NEDD4L: variants seen among roughly 807,000 people sequenced by gnomAD.
NEDD4L encodes the protein E3 ubiquitin-protein ligase NEDD4-like.
In NEDD4L, 54 loss-of-function variants were observed where a neutral mutation model predicts 148.9. The observed-to-expected ratio is 0.36, with a 90% confidence interval of 0.29 to 0.45. NEDD4L has a LOEUF of 0.45. Among genes scored for constraint, NEDD4L ranks in the 20% least tolerant of loss-of-function variants. NEDD4L has a pLI of 1.00. For missense variants in NEDD4L, 856 were observed against 1,233.8 expected, an observed-to-expected ratio of 0.69 and a Z score of 4.59; for synonymous variants, 433 against 440.7, an observed-to-expected ratio of 0.98 and a Z score of 0.22.
intron 5 of NEDD4L, chr18:58,255,601 G>A: frequency 3.2e-6 from 4 of 1,232,376 alleles, no homozygotes; most frequent in Non-Finnish European, 4.0e-6. Flanking sequence ...CGGGCCTGTT[G>A]TTGCCGCTTG....
intron 1 of NEDD4L, among the ~76,000 whole-genome samples, chr18:58,057,195 C>T (rs1016483995): frequency 2.6e-5 from 4 of 151,774 alleles, no homozygotes; most frequent in African/African-American, 9.7e-5. Flanking sequence ...GGAGGTGACC[C>T]GAATATGCAG....
At chr18:58,118,221 A>T (rs1568240267) in intron 1 of NEDD4L, among the ~76,000 whole-genome samples, 1 of 152,266 alleles carries the variant, frequency 6.6e-6, no homozygotes, top group African/African-American at 2.4e-5. Context: ...ACACATGGTT[A>T]TCAAGAGGCA....
At chr18:58,255,411 T>C in intron 5 of NEDD4L, 1 of 916,362 alleles carries the variant, frequency 1.1e-6, no homozygotes, top group East Asian at 3.6e-5. Context: ...CTGGCCACCC[T>C]ACCCTCTGTC....
chr18:58,195,477 G>C, intron 2 of NEDD4L: 1 of 1,342,840 alleles, frequency 7.4e-7, no homozygotes, highest in Non-Finnish European at 9.8e-7. Context: ...ACAGGCTTAA[G>C]CCGCGCGAGG....
chr18:58,045,380 C>T (rs2081529300), intron 1 of NEDD4L: 2 of 379,906 alleles, frequency 5.3e-6, no homozygotes, highest in African/African-American at 2.1e-5. Context: ...ATTTTTTCCT[C>T]CCGAGGATTC....
At chr18:58,255,194 T>C (rs2048362301) in intron 5 of NEDD4L, among the ~76,000 whole-genome samples, 1 of 152,192 alleles carries the variant, frequency 6.6e-6, no homozygotes, top group South Asian at 2.1e-4. Context: ...TTTAGATTTA[T>C]AGCAGCGTGG....
At chr18:58,384,413 G>C (rs557697737) in intron 25 of NEDD4L, among the ~76,000 whole-genome samples, 2 of 152,290 alleles carry the variant, frequency 1.3e-5, no homozygotes, top group East Asian at 1.9e-4. Flanking sequence ...CTCTCGTTCT[G>C]AATATGAACA....
chr18:58,368,327 A>G (rs1158179712), intron 22 of NEDD4L, among the ~76,000 whole-genome samples: 1 of 152,242 alleles, frequency 6.6e-6, no homozygotes, highest in Non-Finnish European at 1.5e-5. Context: ...CCTGAAACAA[A>G]TAACACAAAA....
chr18:58,274,001 G>C (rs544357088), intron 5 of NEDD4L, among the ~76,000 whole-genome samples: 3 of 152,162 alleles, frequency 2.0e-5, no homozygotes, highest in Non-Finnish European at 4.4e-5. Flanking sequence ...AAGTGATGCC[G>C]GGCCCTTTCT....
At chr18:58,180,720 T>C (rs1156983921) in intron 2 of NEDD4L, among the ~76,000 whole-genome samples, 4 of 152,256 alleles carry the variant, frequency 2.6e-5, no homozygotes, top group African/African-American at 9.6e-5. Context: ...TTTAATAATA[T>C]AAAAGTCCTC....
rs118080490 is a variant in NEDD4L at position 58,307,543 on chromosome 18, A to G, written c.298-8439A>G. Among the ~76,000 whole-genome samples the G allele has an allele frequency of 2.1e-3, 323 of 152,298 alleles. 2 individuals carry two copies. Among genetic ancestry groups the G allele is most frequent in the Admixed American group, 4.9e-3 (75 of 15,300 alleles). On this transcript the variant is annotated intron_variant, in intron 5 of 30. Transcript: ENST00000400345. ...AGCTAGTGTCCTTGTGTAAACCTGTATGACTCTAGTTCAGAGTCTTCAGTA... is the reference window on the plus strand; with the variant it reads ...AGCTAGTGTCCTTGTGTAAACCTGTGTGACTCTAGTTCAGAGTCTTCAGTA...
chr18:58,337,805 G>A (rs910075659), intron 13 of NEDD4L, among the ~76,000 whole-genome samples: 5 of 152,116 alleles, frequency 3.3e-5, no homozygotes, highest in African/African-American at 4.8e-5. Flanking sequence ...TTCTATGATA[G>A]TGCTTTCATT....
intron 2 of NEDD4L, chr18:58,189,743 C>A (rs758953740): frequency 6.6e-6 from 1 of 152,166 alleles, no homozygotes; most frequent in Non-Finnish European, 1.5e-5. Context: ...GTAGTGATAG[C>A]TCATAGTGAA....
chr18:58,044,722 C>G lies in NEDD4L; in HGVS notation c.48+14C>G, dbSNP rs372316024. The G allele has an allele frequency of 2.1e-5, 34 of 1,604,308 alleles. No individual in the cohort carries two copies. The East Asian group carries it at 3.4e-4, about 16-fold the overall frequency. The stretch of plus-strand genomic sequence containing the variant: ...TCCGAAGACGAGGTGAGTGGCACCC[C>G]CTTCCTGCTCGGGACTCCCCGGGGA... On this transcript the variant is annotated intron_variant, in intron 1 of 30. Coordinates refer to ENST00000400345, the MANE Select transcript of NEDD4L (RefSeq NM_001144967.3).
intron 1 of NEDD4L, among the ~76,000 whole-genome samples, chr18:58,094,853 G>C (rs1020539534): frequency 1.3e-5 from 2 of 151,258 alleles, no homozygotes; most frequent in African/African-American, 4.9e-5. Context: ...TAAGAAATAG[G>C]TAGGCTGTAA....
Position 58,281,752 on chromosome 18 carries a change from G to A in NEDD4L, c.297+29698G>A, listed in dbSNP as rs183658456. 5.3e-3 allele frequency among the ~76,000 whole-genome samples: 802 copies of A among 152,034 alleles called. 9 individuals are homozygous for A. The highest frequency in any genetic ancestry group is 0.017 in the African/African-American group (690 of 41,466). ...TAAAACTATAAAATGTTGGCTGGGC[G>A]CGGTGGCTCACACCTGTGATCCCAG... On this transcript the variant is annotated intron_variant, in intron 5 of 30. Coordinates refer to ENST00000400345, the MANE Select transcript of NEDD4L (RefSeq NM_001144967.3).
intron 5 of NEDD4L, among the ~76,000 whole-genome samples, chr18:58,262,207 G>C (rs535775230): frequency 6.6e-6 from 1 of 152,318 alleles, no homozygotes; most frequent in East Asian, 1.9e-4. Flanking sequence ...AGCAAAAGCA[G>C]GTATTGCAGA....
intron 1 of NEDD4L, among the ~76,000 whole-genome samples, chr18:58,093,503 G>T (rs978557604): frequency 1.3e-5 from 2 of 150,036 alleles, no homozygotes; most frequent in Admixed American, 6.8e-5. Context: ...AGCTAGAGTT[G>T]TCTCTAGGTG....
At chr18:58,383,894 CAGA>C (rs2048670909) in intron 25 of NEDD4L, among the ~76,000 whole-genome samples, 1 of 152,184 alleles carries the variant, frequency 6.6e-6, no homozygotes, top group African/African-American at 2.4e-5. Context: ...TTGTACCAGG[CAGA>C]AGTTTTTCTC....
Sources: allele counts gnomAD v4.1 joint callset (sites outside exome capture counted in the v4.1 genomes callset), GRCh38; gene constraint gnomAD v4.1.1; transcripts MANE v1.5; gene names NCBI Gene and HGNC (gene_info 2026-07-23, HGNC 2026-07-21).